The following C6 variants were observed in gnomAD, a reference collection of about 807,000 sequenced individuals.
C6 encodes complement component C6.
A neutral mutation model predicts 112.9 loss-of-function variants in C6; 101 were observed. That is an observed-to-expected ratio of 0.89 (90% CI 0.76 to 1.06). The LOEUF (loss-of-function observed/expected upper bound fraction) is 1.06. C6 is among the 50% of genes least tolerant of loss of function. The probability of loss-of-function intolerance (pLI) is 0.00; values close to 1 mark genes in which losing one functional copy is unlikely to be tolerated. For synonymous variants in C6, 431 were observed against 384.1 expected (o/e 1.12, Z -1.43); for missense variants, 1,202 against 1,104.6 (o/e 1.09, Z -1.25).
upstream of C6, among the ~76,000 whole-genome samples, chr5:41,214,193 C>A (rs572968147): frequency 6.6e-6 from 1 of 152,310 alleles, no homozygotes; most frequent in African/African-American, 2.4e-5. Flanking sequence ...CTGCACTAAG[C>A]AGCTACCAGC....
At chr5:41,217,383 A>G (rs1311612250), upstream of C6, among the ~76,000 whole-genome samples, 1 of 152,142 alleles carries the variant, frequency 6.6e-6, no homozygotes. Flanking sequence ...TTTATATTTG[A>G]TAAACATAAA....
At chr5:41,188,448 A>C (rs1749954649) in intron 5 of C6, among the ~76,000 whole-genome samples, 1 of 150,972 alleles carries the variant, frequency 6.6e-6, no homozygotes, top group Admixed American at 6.7e-5. Flanking sequence ...ATGGAACAGA[A>C]ATGCATCTAG....
rs140538783 is a variant in C6 at position 41,173,062 on chromosome 5, G to A, written c.1169-715C>T. Among the ~76,000 whole-genome samples, 187 of 152,172 alleles carry A rather than the reference G, an allele frequency of 1.2e-3. 1 individual carries two copies. Among genetic ancestry groups the A allele is most frequent in the African/African-American group, 4.4e-3 (182 of 41,524 alleles). On this transcript the variant is annotated intron_variant, in intron 8 of 17. Coordinates refer to ENST00000337836, the MANE Select transcript of C6 (RefSeq NM_000065.5). Reference sequence around the variant, plus strand: ...TTCATGTTAATTCAAGCCTGTACTTGATACTGTTTCCACTGTCATCTCCAG... The same window carrying A: ...TTCATGTTAATTCAAGCCTGTACTTAATACTGTTTCCACTGTCATCTCCAG...
At chr5:41,214,336 T>C (rs1752113759), upstream of C6, among the ~76,000 whole-genome samples, 1 of 152,178 alleles carries the variant, frequency 6.6e-6, no homozygotes, top group Admixed American at 6.6e-5. Context: ...GCTTAGATTT[T>C]TATCACATGG....
intron 6 of C6, among the ~76,000 whole-genome samples, chr5:41,182,056 T>C (rs1391729451): frequency 1.1e-4 from 17 of 152,088 alleles, no homozygotes. Flanking sequence ...TGAGGTTGGG[T>C]TCCCATTGCC....
chr5:41,204,766 T>A (rs1041083106), intron 1 of C6, among the ~76,000 whole-genome samples: 5 of 147,172 alleles, frequency 3.4e-5, no homozygotes, highest in Non-Finnish European at 7.4e-5. Flanking sequence ...GCCTCCCGGG[T>A]TCATGCCATT....
At chr5:41,221,088 A>C (rs150332664) in intron 1 of C6, among the ~76,000 whole-genome samples, 468 of 151,720 alleles carry the variant, frequency 3.1e-3, no homozygotes, top group Admixed American at 6.1e-3. Context: ...CCACTACTCC[A>C]CCCTGTCCCA....
At chr5:41,229,594 A>G (rs1294358820) in intron 1 of C6, among the ~76,000 whole-genome samples, 4 of 152,032 alleles carry the variant, frequency 2.6e-5, no homozygotes, top group South Asian at 4.1e-4. Flanking sequence ...TTGTGGCCTA[A>G]CATGTGATCT....
intron 1 of C6, among the ~76,000 whole-genome samples, chr5:41,246,466 A>T (rs964988667): frequency 1.3e-5 from 2 of 152,208 alleles, no homozygotes; most frequent in South Asian, 2.1e-4. Context: ...CTTCTCTGCC[A>T]TATGTGCAGG....
At chr5:41,164,414 G>T (rs1043197019) in intron 9 of C6, among the ~76,000 whole-genome samples, 1 of 152,260 alleles carries the variant, frequency 6.6e-6, no homozygotes, top group East Asian at 1.9e-4. Flanking sequence ...AGTCAGGGCC[G>T]TTGTGCCATG....
At position 41,185,406 on chromosome 5, in the gene C6, A is replaced by G. The variant is rs73753116; in HGVS notation, c.726+664T>C. 4.7e-3 allele frequency among the ~76,000 whole-genome samples: 717 copies of G among 152,354 alleles called. 6 individuals are homozygous for G. Among genetic ancestry groups the G allele is most frequent in the African/African-American group, 0.016 (658 of 41,594 alleles). ...ATTCTCTCTAGCTTGTCAAATTTCTATGCATGAACGTCACCATTAAAACGT... is the reference window on the plus strand; with the variant it reads ...ATTCTCTCTAGCTTGTCAAATTTCTGTGCATGAACGTCACCATTAAAACGT... On this transcript the variant is annotated intron_variant, in intron 6 of 17. Coordinates refer to ENST00000337836, the MANE Select transcript of C6 (RefSeq NM_000065.5).
chr5:41,158,682 A>G lies in C6; in HGVS notation c.1960T>C (p.Phe654Leu). ...AGGTTTAGGATGCTGACCCGGATAAATCCATTTTCTGGAGGAACTGGCTGA... is the reference window on the plus strand; with the variant it reads ...AGGTTTAGGATGCTGACCCGGATAAGTCCATTTTCTGGAGGAACTGGCTGA... ...CPQPVPPENG[F>L]IRNEKQLYLV... Residue 654 changes from phenylalanine to leucine, a missense_variant, in exon 13 of 18, where the codon TTT (phenylalanine) becomes CTT (leucine). By Grantham distance (22) the Phe-to-Leu change is conservative. Coordinates refer to ENST00000337836, the MANE Select transcript of C6 (RefSeq NM_000065.5). The G allele has an allele frequency of 6.3e-7, 1 of 1,597,556 alleles. No homozygotes were observed. The highest frequency in any genetic ancestry group is 8.6e-7 in the Non-Finnish European group (1 of 1,165,020).
chr5:41,187,334 A>C (rs1749852803), intron 5 of C6, among the ~76,000 whole-genome samples: 3 of 152,122 alleles, frequency 2.0e-5, no homozygotes, highest in African/African-American at 7.2e-5. Context: ...GCATTAACTC[A>C]CAAGACAAAA....
chr5:41,214,100 G>A (rs575565466), upstream of C6, among the ~76,000 whole-genome samples: 97 of 152,132 alleles, frequency 6.4e-4, no homozygotes, highest in African/African-American at 2.1e-3. Context: ...TTCATCCTAA[G>A]GTGAAGCAGA....
At chr5:41,210,438 G>A (rs1400005377) in intron 1 of C6, among the ~76,000 whole-genome samples, 2 of 152,160 alleles carry the variant, frequency 1.3e-5, no homozygotes, top group Non-Finnish European at 2.9e-5. Context: ...GCAACCTACA[G>A]AATGGGAGAA....
chr5:41,212,942 T>C (rs1464600293), intron 1 of C6: 1 of 152,216 alleles, frequency 6.6e-6, no homozygotes, highest in Non-Finnish European at 1.5e-5. Flanking sequence ...CTCTAGTTTA[T>C]CCCCAGCTAT....
chr5:41,169,287 A>G (rs1304049675), intron 9 of C6, among the ~76,000 whole-genome samples: 1 of 152,068 alleles, frequency 6.6e-6, no homozygotes, highest in Non-Finnish European at 1.5e-5. Flanking sequence ...GCATATGCAT[A>G]TGCATGTGCA....
At chr5:41,149,531 A>G in intron 16 of C6, 49 bp from the exon 17 acceptor site, 1 of 1,609,688 alleles carries the variant, frequency 6.2e-7, no homozygotes, top group Non-Finnish European at 8.5e-7. Flanking sequence ...TCAGAAAAAA[A>G]CAGGGGGCAC....
chr5:41,220,623 A>T (rs1247806702), intron 1 of C6, among the ~76,000 whole-genome samples: 1 of 151,982 alleles, frequency 6.6e-6, no homozygotes, highest in Non-Finnish European at 1.5e-5. Context: ...TTTGGTTTTG[A>T]TTTACATTTC....
Sources: allele counts gnomAD v4.1 joint callset (sites outside exome capture counted in the v4.1 genomes callset), GRCh38; gene constraint gnomAD v4.1.1; transcripts MANE v1.5; gene names NCBI Gene and HGNC (gene_info 2026-07-23, HGNC 2026-07-21).